BICD1: variants seen among roughly 807,000 people sequenced by gnomAD.
The protein encoded by BICD1 is BICD cargo adaptor 1, also known as protein bicaudal D homolog 1.
Under a neutral mutation model 92.5 loss-of-function variants are expected in BICD1, and 35 were observed. The observed-to-expected ratio is 0.38, with a 90% confidence interval of 0.29 to 0.50. The LOEUF is 0.50. Among genes scored for constraint, BICD1 ranks in the 20% least tolerant of loss-of-function variants. The pLI, the probability that BICD1 is intolerant of heterozygous loss-of-function variation, is 0.93. For synonymous variants in BICD1, 429 were observed against 465.1 expected (o/e 0.92, Z 1.00); for missense variants, 950 against 1,189.8 (o/e 0.80, Z 2.97).
In BICD1 at chr12:32,111,154, C is replaced by T. The variant is rs192134768; in HGVS notation, c.213+3610C>T. Among the ~76,000 whole-genome samples, 569 of 152,188 alleles carry T rather than the reference C, an allele frequency of 3.7e-3. 3 individuals carry two copies. Among genetic ancestry groups the T allele is most frequent in the Middle Eastern group, 6.8e-3 (2 of 294 alleles). ...TAGAAAAGTTTTGCAGCTTGGATAC[C>T]GTAAACTATGCACTAATGAGCTTCA... On this transcript the variant is annotated intron_variant, in intron 1 of 9. Transcript: ENST00000652176.
intron 1 of BICD1, among the ~76,000 whole-genome samples, chr12:32,121,009 C>T (rs1317748672): frequency 2.9e-5 from 4 of 139,194 alleles, no homozygotes; most frequent in Non-Finnish European, 6.0e-5. Flanking sequence ...CGCGCTATTG[C>T]CCAGGCTGGA....
chr12:32,230,187 A>G (rs1424057242), intron 2 of BICD1, among the ~76,000 whole-genome samples: 1 of 151,956 alleles, frequency 6.6e-6, no homozygotes, highest in Non-Finnish European at 1.5e-5. Flanking sequence ...GGGAGAGTGA[A>G]CCGTAGGAGT....
chr12:32,312,835 GT>G (rs1376569679), intron 4 of BICD1, among the ~76,000 whole-genome samples: 5 of 152,276 alleles, frequency 3.3e-5, no homozygotes, highest in South Asian at 2.1e-4. Context: ...CATGAGAGAA[GT>G]TTTTCAGAGT....
chr12:32,298,912 A>T (rs1181106395), intron 3 of BICD1, among the ~76,000 whole-genome samples: 2 of 152,120 alleles, frequency 1.3e-5, no homozygotes, highest in East Asian at 3.9e-4. Context: ...GTAATATCAT[A>T]AAAGACCTAG....
At chr12:32,321,032 T>A (rs1373690737) in intron 4 of BICD1, among the ~76,000 whole-genome samples, 1 of 152,098 alleles carries the variant, frequency 6.6e-6, no homozygotes, top group African/African-American at 2.4e-5. Flanking sequence ...GCACTAAATC[T>A]AAAACAATTT....
At chr12:32,340,004 T>C in intron 8 of BICD1, 1 of 885,010 alleles carries the variant, frequency 1.1e-6, no homozygotes, top group Non-Finnish European at 1.4e-6. Context: ...CCACTCCTCC[T>C]TATTACTTAT....
At chr12:32,143,461 T>TGTG (rs1565544498) in intron 1 of BICD1, among the ~76,000 whole-genome samples, 2 of 152,032 alleles carry the variant, frequency 1.3e-5, no homozygotes, top group South Asian at 4.1e-4. Context: ...TAACATTTTT[T>TGTG]TTTGTGTGTG....
At chr12:32,346,406 A>C (rs1938568075) in intron 8 of BICD1, among the ~76,000 whole-genome samples, 2 of 148,740 alleles carry the variant, frequency 1.3e-5, no homozygotes, top group South Asian at 4.3e-4. Context: ...AGTTCCACCT[A>C]CTCAGGAGGC....
intron 1 of BICD1, among the ~76,000 whole-genome samples, chr12:32,201,180 GA>G (rs1188157867): frequency 6.6e-6 from 1 of 152,072 alleles, no homozygotes; most frequent in Non-Finnish European, 1.5e-5. Context: ...TCTTTCTTCT[GA>G]AACAAGGCTT....
At chr12:32,114,432 A>G (rs918103007) in intron 1 of BICD1, among the ~76,000 whole-genome samples, 5 of 151,796 alleles carry the variant, frequency 3.3e-5, no homozygotes, top group African/African-American at 1.2e-4. Flanking sequence ...CCTAGGCTGG[A>G]GTACAGTGGT....
intron 1 of BICD1, among the ~76,000 whole-genome samples, chr12:32,131,032 G>A (rs1336746559): frequency 6.6e-6 from 1 of 151,724 alleles, no homozygotes; most frequent in Non-Finnish European, 1.5e-5. Context: ...ACGGGGTTTC[G>A]TCATGTTGGC....
chr12:32,237,464 C>A (rs1444648366), intron 2 of BICD1, among the ~76,000 whole-genome samples: 1 of 152,172 alleles, frequency 6.6e-6, no homozygotes, highest in Non-Finnish European at 1.5e-5. Flanking sequence ...GAAGAAGATG[C>A]CTTCAGGCTA....
intron 9 of BICD1, among the ~76,000 whole-genome samples, chr12:32,376,668 G>T (rs1218980034): frequency 6.6e-6 from 1 of 151,930 alleles, no homozygotes; most frequent in Non-Finnish European, 1.5e-5. Context: ...AGGAGTTCGA[G>T]ACCAGCCTGG....
intron 1 of BICD1, among the ~76,000 whole-genome samples, chr12:32,157,979 A>T (rs1292681580): frequency 2.0e-5 from 3 of 152,168 alleles, no homozygotes; most frequent in Non-Finnish European, 4.4e-5. Flanking sequence ...TGAAATTTTT[A>T]AAAAAGCAAC....
chr12:32,135,074 T>G (rs1423501061), intron 1 of BICD1, among the ~76,000 whole-genome samples: 1 of 72,150 alleles, frequency 1.4e-5, no homozygotes, highest in Non-Finnish European at 2.6e-5. Flanking sequence ...CCCCTCCCCT[T>G]CCCCGCTCCC....
chr12:32,110,531 A>G (rs895604410), intron 1 of BICD1, among the ~76,000 whole-genome samples: 1 of 152,144 alleles, frequency 6.6e-6, no homozygotes, highest in Non-Finnish European at 1.5e-5. Context: ...TTTCACAAGT[A>G]ACACTTGCTC....
At chr12:32,130,070 T>C (rs560172185) in intron 1 of BICD1, among the ~76,000 whole-genome samples, 3 of 152,282 alleles carry the variant, frequency 2.0e-5, no homozygotes, top group South Asian at 2.1e-4. Context: ...GAGCAACTAG[T>C]CAGAGAGGAT....
chr12:32,160,512 A>G (rs1448572470), intron 1 of BICD1, among the ~76,000 whole-genome samples: 1 of 150,266 alleles, frequency 6.7e-6, no homozygotes, highest in Admixed American at 6.6e-5. Context: ...TTTTTTTTTT[A>G]ATGGAGCCTC....
At chr12:32,181,678 CAG>C (rs1944276728) in intron 1 of BICD1, among the ~76,000 whole-genome samples, 1 of 151,924 alleles carries the variant, frequency 6.6e-6, no homozygotes, top group African/African-American at 2.4e-5. Flanking sequence ...GTGATTCTAT[CAG>C]AAAATATCAT....
Sources: allele counts gnomAD v4.1 joint callset (sites outside exome capture counted in the v4.1 genomes callset), GRCh38; gene constraint gnomAD v4.1.1; transcripts MANE v1.5; gene names NCBI Gene and HGNC (gene_info 2026-07-23, HGNC 2026-07-21).